Variants in CCNK observed in about 807,000 individuals in gnomAD.
The protein encoded by CCNK is cyclin-K.
A neutral mutation model predicts 65.0 loss-of-function variants in CCNK; 9 were observed. The observed-to-expected ratio is 0.14, with a 90% confidence interval of 0.08 to 0.24. The LOEUF (loss-of-function observed/expected upper bound fraction) is 0.24, where lower values mean the gene tolerates loss of function less well. Among genes scored for constraint, CCNK ranks in the 10% least tolerant of loss-of-function variants. CCNK has a pLI of 1.00. For missense variants in CCNK, 474 were observed against 720.0 expected (o/e 0.66, Z 3.91); for synonymous variants, 279 against 270.8 (o/e 1.03, Z -0.30).
chr14:99,510,035 C>G (rs1449489458), intron 10 of CCNK, 122 bp from the exon 11 acceptor site: 2 of 974,648 alleles, frequency 2.1e-6, no homozygotes, highest in East Asian at 5.2e-5. Context: ...TGCGTTGGGC[C>G]ACAGAGGAGG....
chr14:99,510,404 A>G lies in CCNK; in HGVS notation c.1365A>G (p.Gly455=). 1 of 1,551,918 alleles carries G rather than the reference A, an allele frequency of 6.4e-7. No individual in the cohort carries two copies. The highest frequency in any genetic ancestry group is 8.7e-7 in the Non-Finnish European group (1 of 1,150,498). The change falls in exon 11 of 11, where the codon GGA becomes GGG. Residue 455 remains glycine (G), a synonymous_variant. Coordinates refer to ENST00000389879, the MANE Select transcript of CCNK (RefSeq NM_001099402.2). ...TGCAGTCCATGATGAAGACCGAGGG[A>G]CCCTCCTACGGTGCCCTGCCCCCCG... ...QSLQSMMKTE[G]PSYGALPPAY...
chr14:99,481,545 T>G (rs997089927), intron 1 of CCNK, 66 bp downstream of exon 1: 1 of 398,348 alleles, frequency 2.5e-6, no homozygotes, highest in Non-Finnish European at 4.4e-6. Context: ...CGGAGTAGGT[T>G]ATGGCCAACC....
rs1378220178 is a variant in CCNK, at chr14:99,485,041, A to G, written c.-53+3562A>G. 2.0e-5 allele frequency among the ~76,000 whole-genome samples: 3 copies of G among 152,364 alleles called. No individual in the cohort carries two copies. In the East Asian group the frequency reaches 5.8e-4, roughly 29 times the overall value. On this transcript the variant is annotated intron_variant, in intron 1 of 10. Coordinates refer to ENST00000389879, the MANE Select transcript of CCNK (RefSeq NM_001099402.2). ...TACAACTTTAGGGTCTTGTGAAAAA[A>G]TAATTGAAGAGTAATAGGGAACAGG... is the stretch of plus-strand genomic sequence containing the variant.
intron 10 of CCNK, 184 bp from the exon 11 acceptor site, chr14:99,509,973 G>A: frequency 1.6e-6 from 1 of 637,382 alleles, no homozygotes; most frequent in Non-Finnish European, 2.7e-6. Flanking sequence ...GGGCCTTCTT[G>A]ACAGATGGTG....
chr14:99,490,868 C>T (rs368797920), intron 1 of CCNK, among the ~76,000 whole-genome samples: 8 of 149,502 alleles, frequency 5.4e-5, no homozygotes, highest in African/African-American at 2.0e-4. Context: ...GTGGAGCTTG[C>T]AGTGAGCCGA....
At position 99,510,265 on chromosome 14, in the gene CCNK, C is replaced by A; in HGVS notation, c.1226C>A (p.Pro409His). 1 of 1,560,676 alleles carries A rather than the reference C, an allele frequency of 6.4e-7. No individual in the cohort carries two copies. The highest frequency in any genetic ancestry group is 1.2e-5 in the South Asian group (1 of 86,120). Residue 409 changes from proline to histidine, a missense_variant, in exon 11 of 11, where the codon CCT becomes CAT. Coordinates refer to ENST00000389879, the MANE Select transcript of CCNK (RefSeq NM_001099402.2). ...ATTCCCCCTCCGGCCCACCCGGCCC[C>A]TGTGCACCAGCCACCGCCGCTGCCA... is the stretch of plus-strand genomic sequence containing the variant. ...VQIPPPAHPA[P>H]VHQPPPLPHR...
In CCNK at chr14:99,510,704, G is replaced by A. The variant is rs746903238; in HGVS notation, c.1665G>A (p.Gln555=). 11 of 1,420,916 alleles carry A rather than the reference G, an allele frequency of 7.7e-6. No individual in the cohort carries two copies. The allele number at this position is 1,420,916 out of a possible 1,614,324, so 88.0% of individuals were successfully genotyped here. A position where few individuals can be genotyped will look rare whatever the true frequency, so the allele number is the denominator to read the frequency against. Residue 555 remains glutamine (Q), a synonymous_variant, in exon 11 of 11, where the codon CAG becomes CAA. Coordinates refer to ENST00000389879, the MANE Select transcript of CCNK (RefSeq NM_001099402.2). ...YPPPAVPPGG[Q]PPVPPPIPPP... Reference sequence around the variant, plus strand: ...CTCCTGCCGTCCCCCCTGGAGGACAGCCTCCTGTGCCCCCGCCCATTCCCC... The same window carrying A: ...CTCCTGCCGTCCCCCCTGGAGGACAACCTCCTGTGCCCCCGCCCATTCCCC...
intron 1 of CCNK, among the ~76,000 whole-genome samples, chr14:99,490,877 G>A (rs1896583071): frequency 1.3e-5 from 2 of 149,680 alleles, no homozygotes; most frequent in African/African-American, 2.5e-5. Context: ...GCAGTGAGCC[G>A]AGATCATGCC....
rs1896809221 is a variant in CCNK, at chr14:99,500,965, CAA to C, written c.517+96_517+97del. On this transcript the variant is annotated intron_variant, in intron 5 of 10. Coordinates refer to ENST00000389879, the MANE Select transcript of CCNK (RefSeq NM_001099402.2). ...AATTACGCTTCTCAAAAGCGGAAAA[CAA>C]AGTTTGATGTGTGAAATACCAAGGG... 11 of 807,190 alleles carry C rather than the reference CAA, an allele frequency of 1.4e-5. No homozygotes were observed. In the Admixed American group the frequency reaches 2.4e-4, roughly 18 times the overall value. The allele number at this position is 807,190 out of a possible 1,614,324, so 50.0% of individuals were successfully genotyped here. A position where few individuals can be genotyped will look rare whatever the true frequency, so the allele number is the denominator to read the frequency against.
At chr14:99,489,104 TGAAAA>T (rs1896549366) in intron 1 of CCNK, among the ~76,000 whole-genome samples, 1 of 152,104 alleles carries the variant, frequency 6.6e-6, no homozygotes. Flanking sequence ...TCTTGGTACT[TGAAAA>T]GGACAGAAAT....
Position 99,492,846 on chromosome 14 carries a change from A to T in CCNK, c.169A>T (p.Ile57Phe). 6.2e-7 allele frequency: 1 copy of T among 1,604,990 alleles called. No individual in the cohort carries two copies. The highest frequency in any genetic ancestry group is 8.5e-7 in the Non-Finnish European group (1 of 1,177,684). ...GTACCGCCGAGAGGGCGCTCGGTTCATCTTTGATGTGGGCACACGTTTGGG... is the reference window on the plus strand; with the variant it reads ...GTACCGCCGAGAGGGCGCTCGGTTCTTCTTTGATGTGGGCACACGTTTGGG... ...ARYRREGARF[I>F]FDVGTRLGLH... is the part of the protein sequence containing the mutation. Residue 57 changes from isoleucine to phenylalanine, a missense_variant, in exon 2 of 11, where the codon ATC (isoleucine) becomes TTC (phenylalanine). Coordinates refer to ENST00000389879, the MANE Select transcript of CCNK (RefSeq NM_001099402.2).
chr14:99,483,771 A>G (rs936449624), intron 1 of CCNK, among the ~76,000 whole-genome samples: 2 of 152,268 alleles, frequency 1.3e-5, no homozygotes, highest in African/African-American at 4.8e-5. Context: ...CGAAATGTTG[A>G]TTAATGAGTT....
chr14:99,495,712 T>C, intron 4 of CCNK, 83 bp downstream of exon 4: 1 of 1,269,024 alleles, frequency 7.9e-7, no homozygotes, highest in South Asian at 1.8e-5. Flanking sequence ...ACAGTGCCTG[T>C]AGCCCTTGTG....
intron 8 of CCNK, 138 bp downstream of exon 8, chr14:99,503,122 T>C (rs1485294820): frequency 1.0e-6 from 1 of 993,696 alleles, no homozygotes; most frequent in East Asian, 2.4e-5. Flanking sequence ...GTCCGACTGC[T>C]TGTCGGTGGG....
intron 4 of CCNK, among the ~76,000 whole-genome samples, chr14:99,497,185 C>T (rs1016306318): frequency 2.6e-5 from 4 of 152,100 alleles, no homozygotes; most frequent in South Asian, 2.1e-4. Context: ...ATGTAGCCAC[C>T]ATTATAGTAT....
At chr14:99,509,719 C>G in intron 10 of CCNK, 1 of 191,074 alleles carries the variant, frequency 5.2e-6, no homozygotes, top group South Asian at 1.2e-4. Flanking sequence ...CCATCACATT[C>G]ATTTGACTAA....
At chr14:99,503,526 G>C in intron 8 of CCNK, 85 bp from the exon 9 acceptor site, 1 of 1,219,972 alleles carries the variant, frequency 8.2e-7, no homozygotes. Context: ...TGCCGTCGCT[G>C]ATTCTGGTGG....
chr14:99,486,356 C>T (rs753234229), intron 1 of CCNK, among the ~76,000 whole-genome samples: 1 of 152,156 alleles, frequency 6.6e-6, no homozygotes. Context: ...ACTGGGCAAA[C>T]GCTCGCCTTT....
rs745648624 is a variant in CCNK at position 99,502,416 on chromosome 14, G to A, written c.745+40G>A. The stretch of plus-strand genomic sequence containing the variant: ...AAGCGTTCTCGTGAGGGTGTTCCAT[G>A]TTGAGATGATTCTTCCATGTGTACC... On this transcript the variant is annotated intron_variant, in intron 7 of 10. Transcript: ENST00000389879. 7 of 1,598,706 alleles carry A rather than the reference G, an allele frequency of 4.4e-6. No individual in the cohort carries two copies. In the Admixed American group the frequency reaches 1.0e-4, roughly 24 times the overall value.
Sources: gnomAD v4.1 joint callset for allele counts (sites outside exome capture counted in the v4.1 genomes callset) on GRCh38, gnomAD v4.1.1 for gene constraint, MANE v1.5 for transcripts, NCBI Gene and HGNC (gene_info 2026-07-23, HGNC 2026-07-21) for gene names.